The following SORL1-AS1 variants were observed in gnomAD, a reference collection of about 807,000 sequenced individuals.
The protein encoded by SORL1-AS1 is lncRNA 51 A.
the SORL1-AS1 span, among the ~76,000 whole-genome samples, chr11:121,439,399 C>G: frequency 7.3e-5 from 11 of 151,578 alleles, no homozygotes; most frequent in Non-Finnish European, 1.6e-4. Context: ...TTATCGAAGT[C>G]TTCTGCTTGT....
At chr11:121,442,886 A>G (rs1223370802), downstream of SORL1-AS1, among the ~76,000 whole-genome samples, 1 of 149,876 alleles carries the variant, frequency 6.7e-6, no homozygotes, top group African/African-American at 2.5e-5. Context: ...CACCATGTTA[A>G]CCAGGATGGT....
chr11:121,441,813 T>C, the SORL1-AS1 span, among the ~76,000 whole-genome samples: 2 of 152,176 alleles, frequency 1.3e-5, no homozygotes, highest in Non-Finnish European at 2.9e-5. Flanking sequence ...CACCAGCTAA[T>C]GTGTGGGAGA....
At chr11:121,442,969 C>T (rs555881700), downstream of SORL1-AS1, among the ~76,000 whole-genome samples, 144 of 150,170 alleles carry the variant, frequency 9.6e-4, 1 homozygote, top group Admixed American at 3.9e-3. Context: ...TGAGTCACCG[C>T]GCCCAGCCAA....
In SORL1-AS1 at chr11:121,452,558, C is replaced by T. The variant is rs372705427; in HGVS notation, n.339+117G>A. On this transcript the variant is annotated intron_variant and non_coding_transcript_variant, in intron 1 of 1. Transcript: ENST00000501964. This position sits in a 1 kb window ranked among gnomAD's most constrained non-coding sequence, Gnocchi z 5.3. ...GGGGCGAGCCGCGCGGACGAGAAGC[C>T]GCTCCGGAGGAAACGGAGCGCTGCC... is the stretch of plus-strand genomic sequence containing the variant. 1.7e-4 allele frequency: 260 copies of T among 1,511,122 alleles called. No individual in the cohort carries two copies. Among genetic ancestry groups the T allele is most frequent in the Non-Finnish European group, 2.1e-4 (242 of 1,136,808 alleles). The allele number at this position is 1,511,122 out of a possible 1,614,324, so 93.6% of individuals were successfully genotyped here.
the SORL1-AS1 span, among the ~76,000 whole-genome samples, chr11:121,438,756 G>A: frequency 2.6e-5 from 4 of 152,324 alleles, no homozygotes; most frequent in Admixed American, 6.5e-5. Flanking sequence ...GGCCAGGTGC[G>A]GTGGCTCATG....
chr11:121,442,689 A>ATTTT (rs1204591574), downstream of SORL1-AS1, among the ~76,000 whole-genome samples: 64 of 119,582 alleles, frequency 5.4e-4, 3 homozygotes, highest in South Asian at 0.015. Context: ...TTATTTATTT[A>ATTTT]TTTTTTTGAG....
At chr11:121,446,069 T>C (rs1051489891), downstream of SORL1-AS1, among the ~76,000 whole-genome samples, 1 of 152,160 alleles carries the variant, frequency 6.6e-6, no homozygotes, top group African/African-American at 2.4e-5. Flanking sequence ...AAATTGTTCC[T>C]CCTTCCAGAA....
At chr11:121,444,128 AAG>A (rs150739171), downstream of SORL1-AS1, among the ~76,000 whole-genome samples, 1 of 151,724 alleles carries the variant, frequency 6.6e-6, no homozygotes, top group African/African-American at 2.4e-5. Flanking sequence ...GTCAGAGAGA[AAG>A]AGAGAGAGAA....
downstream of SORL1-AS1, among the ~76,000 whole-genome samples, chr11:121,442,828 A>G (rs759900710): frequency 1.5e-4 from 22 of 149,970 alleles, no homozygotes; most frequent in Non-Finnish European, 3.0e-4. Flanking sequence ...ACAGGCGCCC[A>G]CCACCACGCC....
downstream of SORL1-AS1, among the ~76,000 whole-genome samples, chr11:121,446,479 G>A (rs1860725578): frequency 6.6e-6 from 1 of 152,112 alleles, no homozygotes; most frequent in Admixed American, 6.5e-5. Flanking sequence ...GGCCAGGCAT[G>A]GTGGCTCATG....
At position 121,452,278 on chromosome 11, in the gene SORL1-AS1, C is replaced by G; in HGVS notation, n.339+397G>C. The G allele has an allele frequency of 1.4e-6, 2 of 1,401,172 alleles. No homozygotes were observed. The highest frequency in any genetic ancestry group is 1.5e-5 in the South Asian group (1 of 66,140). 86.8% of individuals were successfully genotyped at this position (1,401,172 alleles called of 1,614,324 possible). ...CGGCCCAGCGGCTCTCCTGGCCTCG[C>G]GCTGCACATTCTCTCCTGGCGGCGG... On this transcript the variant is annotated intron_variant and non_coding_transcript_variant, in intron 1 of 1. Transcript: ENST00000501964. This position sits in a 1 kb window ranked among gnomAD's most constrained non-coding sequence, Gnocchi z 5.3.
chr11:121,445,630 C>T (rs1195757019), downstream of SORL1-AS1, among the ~76,000 whole-genome samples: 3 of 151,924 alleles, frequency 2.0e-5, no homozygotes, highest in Non-Finnish European at 4.4e-5. Context: ...CCTGCTTCCT[C>T]CCGGAACCAG....
At chr11:121,443,718 A>G (rs1405953649), downstream of SORL1-AS1, among the ~76,000 whole-genome samples, 1 of 152,232 alleles carries the variant, frequency 6.6e-6, no homozygotes, top group Non-Finnish European at 1.5e-5. Context: ...AACATCATGT[A>G]CATTTGAATC....
Position 121,452,222 on chromosome 11 carries a change from C to A in SORL1-AS1, n.339+453G>T. The A allele has an allele frequency of 1.2e-6, 1 of 815,556 alleles. No individual in the cohort carries two copies. The highest frequency in any genetic ancestry group is 1.6e-6 in the Non-Finnish European group (1 of 628,586). The allele number at this position is 815,556 out of a possible 1,614,324, so 50.5% of individuals were successfully genotyped here. A position where few individuals can be genotyped will look rare whatever the true frequency, so the allele number is the denominator to read the frequency against. ...GGGCGGCCCGGAGCGGCGCGGGCGG[C>A]CTGGAGCCCCGGGAGCGGCGCGCGC... On this transcript the variant is annotated intron_variant and non_coding_transcript_variant, in intron 1 of 1. Coordinates refer to ENST00000501964, the Ensembl canonical transcript of SORL1-AS1. This position sits in a 1 kb window ranked among gnomAD's most constrained non-coding sequence, Gnocchi z 5.3.
At position 121,452,296 on chromosome 11, in the gene SORL1-AS1, G is replaced by A. The variant is rs1860809481; in HGVS notation, n.339+379C>T. Reference sequence around the variant, plus strand: ...GGCCTCGCGCTGCACATTCTCTCCTGGCGGCGGCGCCACCTGCAGTAGCGT... The same window carrying A: ...GGCCTCGCGCTGCACATTCTCTCCTAGCGGCGGCGCCACCTGCAGTAGCGT... On this transcript the variant is annotated intron_variant and non_coding_transcript_variant, in intron 1 of 1. Transcript: ENST00000501964. The surrounding 1 kb of genome is among the most constrained non-coding windows in gnomAD (Gnocchi z 5.3). 2.1e-6 allele frequency: 3 copies of A among 1,462,808 alleles called. No homozygotes were observed. The highest frequency in any genetic ancestry group is 2.6e-5 in the Admixed American group (1 of 39,160). The allele number at this position is 1,462,808 out of a possible 1,614,324, so 90.6% of individuals were successfully genotyped here.
intron 1 of SORL1-AS1, among the ~76,000 whole-genome samples, chr11:121,451,512 C>T (rs2134755138): frequency 6.6e-6 from 1 of 152,278 alleles, no homozygotes; most frequent in Non-Finnish European, 1.5e-5. Flanking sequence ...CTGTGCCACG[C>T]ACAGGTATTC....
the SORL1-AS1 span, among the ~76,000 whole-genome samples, chr11:121,440,823 A>T: frequency 6.2e-4 from 94 of 152,296 alleles, no homozygotes; most frequent in Non-Finnish European, 1.1e-3. Context: ...CATCAAACTT[A>T]ACCATGAAAG....
the SORL1-AS1 span, among the ~76,000 whole-genome samples, chr11:121,441,924 G>A: frequency 6.6e-6 from 1 of 152,304 alleles, no homozygotes; most frequent in South Asian, 2.1e-4. Context: ...AAACCCGTGT[G>A]CCACTACCCC....
downstream of SORL1-AS1, among the ~76,000 whole-genome samples, chr11:121,444,787 A>G: frequency 6.6e-6 from 1 of 152,200 alleles, no homozygotes; most frequent in East Asian, 1.9e-4. Context: ...CGTCATTATC[A>G]CAGAATAGCA....
Sources: gnomAD v4.1 joint callset for allele counts (sites outside exome capture counted in the v4.1 genomes callset) on GRCh38, gnomAD v4.1.1 for gene constraint, Gnocchi (gnomAD v3.1) non-coding constraint, MANE v1.5 for transcripts, NCBI Gene and HGNC (gene_info 2026-07-23, HGNC 2026-07-21) for gene names.